The following KIF4A variants were observed in gnomAD, a reference collection of about 807,000 sequenced individuals.
The protein encoded by KIF4A is kinesin family member 4A, also known as chromosome-associated kinesin KIF4A.
In KIF4A, 7 loss-of-function variants were observed where a neutral mutation model predicts 105.9. The observed-to-expected ratio is 0.07, with a 90% CI of 0.04 to 0.12. The LOEUF is 0.12. Among genes scored for constraint, KIF4A ranks in the 10% least tolerant of loss-of-function variants. The pLI is 1.00. For missense variants in KIF4A, 558 were observed against 929.2 expected (o/e 0.60, Z 5.19); for synonymous variants, 281 against 331.3 (o/e 0.85, Z 1.65).
chrX:70,400,480 G>A (rs186347930), intron 22 of KIF4A, among the ~76,000 whole-genome samples: 21 of 111,513 alleles, frequency 1.9e-4, no homozygotes, highest in Non-Finnish European at 1.9e-5. Context: ...TTGAGTTTTA[G>A]TGTAGTCTCA....
chrX:70,373,827 TACACAC>T (rs201449631), intron 15 of KIF4A, among the ~76,000 whole-genome samples: 56 of 28,787 alleles, frequency 1.9e-3, no homozygotes, highest in Middle Eastern at 0.036. Context: ...CACACACATG[TACACAC>T]ACACACACAC....
rs745959480 is a variant in KIF4A at position 70,307,100 on chromosome X, T to C, written c.778+4702T>C. Among the ~76,000 whole-genome samples, 18 of 111,195 alleles carry C rather than the reference T, an allele frequency of 1.6e-4. No individual in the cohort carries two copies. In the South Asian group the frequency reaches 3.9e-3, roughly 24 times the overall value. ...CTTTACCTCCCAAAGTGCTGGTTTA[T>C]AGGCATGAGCGACTGTGCTTGGAGT... is the stretch of plus-strand genomic sequence containing the variant. On this transcript the variant is annotated intron_variant, in intron 7 of 30. Transcript: ENST00000374403.
intron 7 of KIF4A, among the ~76,000 whole-genome samples, chrX:70,311,602 C>G (rs1460996715): frequency 9.0e-6 from 1 of 111,500 alleles, no homozygotes; most frequent in Admixed American, 9.6e-5. Context: ...TTATTTGAAA[C>G]AAATCACGGA....
At chrX:70,332,101 A>G (rs2085933211) in intron 9 of KIF4A, among the ~76,000 whole-genome samples, 1 of 112,292 alleles carries the variant, frequency 8.9e-6, no homozygotes, top group African/African-American at 3.2e-5. Flanking sequence ...AGTTGAATAT[A>G]AAAGTATAAA....
At chrX:70,296,947 T>C in intron 3 of KIF4A, 51 bp from the exon 4 acceptor site, 2 of 1,112,352 alleles carry the variant, frequency 1.8e-6, no homozygotes, top group Non-Finnish European at 2.5e-6. Context: ...AGTATATTGA[T>C]TAGATGAAAA....
chrX:70,406,216 A>G (rs1340221662), intron 26 of KIF4A, 43 bp from the exon 27 acceptor site: 3 of 1,084,409 alleles, frequency 2.8e-6, no homozygotes, highest in Non-Finnish European at 2.6e-6. Flanking sequence ...ACACTCCCAG[A>G]AGCTGCCCTG....
intron 15 of KIF4A, among the ~76,000 whole-genome samples, chrX:70,363,348 CTCG>C (rs2086085338): frequency 9.0e-6 from 1 of 110,616 alleles, no homozygotes; most frequent in African/African-American, 3.3e-5. Flanking sequence ...CACCCATTAA[CTCG>C]TCATTTAACA....
chrX:70,300,318 T>C, intron 5 of KIF4A, among the ~76,000 whole-genome samples: 1 of 111,514 alleles, frequency 9.0e-6, no homozygotes, highest in Non-Finnish European at 1.9e-5. Flanking sequence ...GAGCCAGCAC[T>C]TGACCCTGTT....
chrX:70,411,319 A>G (rs1188592726), intron 28 of KIF4A, among the ~76,000 whole-genome samples: 1 of 107,400 alleles, frequency 9.3e-6, no homozygotes, highest in Non-Finnish European at 1.9e-5. Context: ...AAAAAAAAAG[A>G]ATGGAGATTA....
chrX:70,390,315 AAC>A (rs952232036), intron 20 of KIF4A, among the ~76,000 whole-genome samples: 7 of 111,276 alleles, frequency 6.3e-5, no homozygotes, highest in African/African-American at 2.3e-4. Flanking sequence ...CACTTGCTAG[AAC>A]CTCCAGTACA....
chrX:70,311,546 A>T (rs2085849755), intron 7 of KIF4A, among the ~76,000 whole-genome samples: 1 of 111,974 alleles, frequency 8.9e-6, no homozygotes, highest in African/African-American at 3.3e-5. Context: ...CTAATTTATG[A>T]CCAGTCTTGT....
chrX:70,331,714 A>G (rs1365570838), intron 9 of KIF4A, among the ~76,000 whole-genome samples: 1 of 111,650 alleles, frequency 9.0e-6, no homozygotes, highest in African/African-American at 3.3e-5. Context: ...GTATTCCAGG[A>G]TGAGGCTAGA....
At chrX:70,415,861 C>CTTTTTTT (rs1162374099) in intron 28 of KIF4A, among the ~76,000 whole-genome samples, 40 of 57,412 alleles carry the variant, frequency 7.0e-4, no homozygotes, top group Admixed American at 1.4e-3. Flanking sequence ...TGCATTATTT[C>CTTTTTTT]TTTTTTTTTT....
chrX:70,386,730 T>C, intron 19 of KIF4A, 29 bp downstream of exon 19: 2 of 1,040,127 alleles, frequency 1.9e-6, no homozygotes, highest in Non-Finnish European at 2.7e-6. Context: ...CTAGGTCAAG[T>C]GTATTGTCAT....
chrX:70,344,225 G>A (rs755093908), intron 13 of KIF4A, among the ~76,000 whole-genome samples: 3 of 112,223 alleles, frequency 2.7e-5, no homozygotes, highest in Non-Finnish European at 5.6e-5. Context: ...CAACAACATA[G>A]CAGTGCAAAA....
At chrX:70,312,690 CATAACT>C (rs2085855287) in intron 7 of KIF4A, among the ~76,000 whole-genome samples, 1 of 111,831 alleles carries the variant, frequency 8.9e-6, no homozygotes, top group African/African-American at 3.2e-5. Context: ...TTTGCACATA[CATAACT>C]ATGTCTCATT....
At chrX:70,308,977 C>T (rs766374899) in intron 7 of KIF4A, among the ~76,000 whole-genome samples, 50 of 112,229 alleles carry the variant, frequency 4.5e-4, no homozygotes, top group Non-Finnish European at 8.5e-4. Flanking sequence ...TAGGATTCCA[C>T]GGTATACAGT....
intron 3 of KIF4A, among the ~76,000 whole-genome samples, chrX:70,295,574 TATTTAATA>T (rs2085778938): frequency 9.0e-6 from 1 of 111,413 alleles, no homozygotes; most frequent in Non-Finnish European, 1.9e-5. Context: ...TAATGCCTTC[TATTTAATA>T]ATTTAAAAAA....
At chrX:70,323,701 T>C (rs189636194) in intron 7 of KIF4A, among the ~76,000 whole-genome samples, 1 of 111,689 alleles carries the variant, frequency 9.0e-6, no homozygotes, top group East Asian at 2.8e-4. Context: ...TGTCCATCTA[T>C]CCATTTGTCA....
Sources: allele counts gnomAD v4.1 joint callset (sites outside exome capture counted in the v4.1 genomes callset), GRCh38; gene constraint gnomAD v4.1.1; transcripts MANE v1.5; gene names NCBI Gene and HGNC (gene_info 2026-07-23, HGNC 2026-07-21).